ATP9B: variants seen among roughly 807,000 people sequenced by gnomAD.
ATP9B encodes the protein ATPase phospholipid transporting 9B.
A neutral mutation model predicts 146.1 loss-of-function variants in ATP9B; 110 were observed. That is an observed-to-expected ratio of 0.75 (90% CI 0.65 to 0.88). ATP9B has a LOEUF of 0.88. Ranked by LOEUF, ATP9B falls within the 40% of genes least tolerant of loss-of-function variation. The pLI, the probability that ATP9B is intolerant of heterozygous loss-of-function variation, is 0.00. For missense variants in ATP9B, 1,499 were observed against 1,496.4 expected (o/e 1.00, Z -0.03); for synonymous variants, 604 against 569.7 (o/e 1.06, Z -0.86).
intron 11 of ATP9B, among the ~76,000 whole-genome samples, chr18:79,230,796 G>A (rs1045300487): frequency 1.3e-5 from 2 of 152,074 alleles, no homozygotes; most frequent in Non-Finnish European, 1.5e-5. Context: ...CAAATTGCAC[G>A]GTACTGGTAT....
At chr18:79,162,197 T>C (rs1459753630) in intron 7 of ATP9B, among the ~76,000 whole-genome samples, 1 of 152,210 alleles carries the variant, frequency 6.6e-6, no homozygotes, top group East Asian at 1.9e-4. Flanking sequence ...ATGCAGCATA[T>C]CCCAGCTTGA....
At position 79,069,540 on chromosome 18, in the gene ATP9B, C is replaced by T. The variant is rs903480049; in HGVS notation, c.119+11C>T. On this transcript the variant is annotated intron_variant, in intron 1 of 29. Coordinates refer to ENST00000426216, the MANE Select transcript of ATP9B (RefSeq NM_198531.5). ...CGACCGGCACAGCAGGTAACCGAGG[C>T]GGCACTGGCCCCGTTCCCCGCCGAC... The T allele has an allele frequency of 4.5e-6, 6 of 1,328,740 alleles. No homozygotes were observed. Among genetic ancestry groups the T allele is most frequent in the Admixed American group, 8.0e-5 (2 of 24,998 alleles). 82.3% of individuals were successfully genotyped at this position (1,328,740 alleles called of 1,614,324 possible).
chr18:79,153,860 C>T (rs1179798527), intron 6 of ATP9B, among the ~76,000 whole-genome samples: 1 of 151,624 alleles, frequency 6.6e-6, no homozygotes, highest in Non-Finnish European at 1.5e-5. Context: ...GTTGCCTCGT[C>T]TGGTCTCAAA....
At chr18:79,281,647 C>A (rs2096377913) in intron 13 of ATP9B, among the ~76,000 whole-genome samples, 2 of 152,068 alleles carry the variant, frequency 1.3e-5, no homozygotes, top group Admixed American at 1.3e-4. Context: ...TAGAAAAATT[C>A]TCAGAAAAAA....
rs968597205 is a variant in ATP9B at position 79,330,168 on chromosome 18, C to G, written c.2028+64C>G. On this transcript the variant is annotated intron_variant, in intron 17 of 29. Transcript: ENST00000426216. ...TGGAAGAGGAGGTATGTGAGTGACT[C>G]TCAGCCTGGTTCACAGTGTTTCTAT... 8 of 1,435,806 alleles carry G rather than the reference C, an allele frequency of 5.6e-6. No individual in the cohort carries two copies. The African/African-American group carries it at 9.8e-5, about 18-fold the overall frequency. The allele number at this position is 1,435,806 out of a possible 1,614,324, so 88.9% of individuals were successfully genotyped here. A position where few individuals can be genotyped will look rare whatever the true frequency, so the allele number is the denominator to read the frequency against.
chr18:79,375,646 G>A, intron 29 of ATP9B: 1 of 985,446 alleles, frequency 1.0e-6, no homozygotes, highest in Non-Finnish European at 1.2e-6. Context: ...TGAGTGAGGG[G>A]AAGGGGCCGG....
At chr18:79,144,007 A>C (rs1209028864) in intron 6 of ATP9B, 147 bp downstream of exon 6, 1 of 489,236 alleles carries the variant, frequency 2.0e-6, no homozygotes, top group South Asian at 5.3e-5. Context: ...TATGTGAAGA[A>C]AAATCTAGAT....
chr18:79,255,204 A>G (rs1171554515), intron 12 of ATP9B: 1 of 152,196 alleles, frequency 6.6e-6, no homozygotes, highest in Non-Finnish European at 1.5e-5. Context: ...CTCTGGAGAC[A>G]CAATCTTTGT....
chr18:79,156,540 A>T (rs1165260780), intron 7 of ATP9B, among the ~76,000 whole-genome samples: 2 of 152,182 alleles, frequency 1.3e-5, no homozygotes, highest in Non-Finnish European at 2.9e-5. Context: ...TCCATTATCA[A>T]ATGGACTCTA....
chr18:79,124,225 T>C (rs1222193480), intron 4 of ATP9B, among the ~76,000 whole-genome samples: 2 of 152,218 alleles, frequency 1.3e-5, no homozygotes, highest in Non-Finnish European at 2.9e-5. Context: ...TGGTGCTTCA[T>C]TTTGGGATGA....
In ATP9B at chr18:79,265,751, T is replaced by C. The variant is rs546179725; in HGVS notation, c.1269-11303T>C. Among the ~76,000 whole-genome samples the C allele has an allele frequency of 1.3e-4, 20 of 152,328 alleles. No individual in the cohort carries two copies. The South Asian group carries it at 1.4e-3, about 11-fold the overall frequency. ...TTTTGTTGCAGTTGCTTTTGGTATC[T>C]TCATCATAAAATCTTCACCCATGCC... On this transcript the variant is annotated intron_variant, in intron 12 of 29. Coordinates refer to ENST00000426216, the MANE Select transcript of ATP9B (RefSeq NM_198531.5).
chr18:79,304,376 T>G (rs1428439916), intron 14 of ATP9B, among the ~76,000 whole-genome samples: 1 of 152,198 alleles, frequency 6.6e-6, no homozygotes, highest in Non-Finnish European at 1.5e-5. Context: ...TTCAAAATGC[T>G]TAGGACCAGA....
rs149798512 is a variant in ATP9B at position 79,337,334 on chromosome 18, C to T, written c.2168C>T (p.Ala723Val). The change falls in exon 19 of 30, where the codon GCG becomes GTG. Residue 723 changes from alanine (A) to valine (V), a missense_variant. Ala to Val is a moderately conservative substitution (Grantham distance 64, BLOSUM62 0). Coordinates refer to ENST00000426216, the MANE Select transcript of ATP9B (RefSeq NM_198531.5). ...SMHDRSLKVA[A>V]VVESLEREME... is the part of the protein sequence containing the mutation. Reference sequence around the variant, plus strand: ...CACGACAGGTCCCTCAAGGTGGCCGCGGTAGTCGAGAGCCTGGAGAGGGAG... The same window carrying T: ...CACGACAGGTCCCTCAAGGTGGCCGTGGTAGTCGAGAGCCTGGAGAGGGAG... 1.6e-5 allele frequency: 26 copies of T among 1,614,004 alleles called. No homozygotes were observed. In the Middle Eastern group the frequency reaches 4.9e-4, roughly 31 times the overall value.
chr18:79,167,832 G>T lies in ATP9B; in HGVS notation c.779-8981G>T, dbSNP rs1035144358. 4.3e-4 allele frequency among the ~76,000 whole-genome samples: 66 copies of T among 152,170 alleles called. 1 individual carries two copies. Among genetic ancestry groups the T allele is most frequent in the Non-Finnish European group, 8.4e-4 (57 of 68,022 alleles). On this transcript the variant is annotated intron_variant, in intron 7 of 29. Coordinates refer to ENST00000426216, the MANE Select transcript of ATP9B (RefSeq NM_198531.5). ...GGCTTGAAGGTAGGGTTTCACAGGG[G>T]ACCTGCCAATTTTTGCCCAGGAACT...
chr18:79,270,299 G>C (rs2096242394), intron 12 of ATP9B, among the ~76,000 whole-genome samples: 1 of 150,980 alleles, frequency 6.6e-6, no homozygotes, highest in Middle Eastern at 3.2e-3. Flanking sequence ...CTATGTGGCA[G>C]CTCTGTGTGT....
chr18:79,338,966 T>C (rs1434437885), intron 19 of ATP9B, among the ~76,000 whole-genome samples: 1 of 152,244 alleles, frequency 6.6e-6, no homozygotes, highest in East Asian at 1.9e-4. Context: ...GAAGATGCTG[T>C]GCCATGGACA....
rs778501286 is a variant in ATP9B, at chr18:79,176,827, C to A, written c.793C>A (p.Arg265=). 2 of 1,613,804 alleles carry A rather than the reference C, an allele frequency of 1.2e-6. No homozygotes were observed. The highest frequency in any genetic ancestry group is 1.7e-6 in the Non-Finnish European group (2 of 1,179,948). ...TSEKAGSCFI[R]TDQLDGETDW... is the part of the protein sequence containing the mutation. ...CTACTTCCAAGGTTCGTGTTTTATT[C>A]GAACTGATCAACTAGATGGTGAAAC... The change falls in exon 8 of 30, where the codon CGA becomes AGA. Residue 265 remains arginine, a synonymous_variant. Transcript: ENST00000426216.
At chr18:79,238,993 A>G (rs939493171) in intron 11 of ATP9B, among the ~76,000 whole-genome samples, 3 of 152,240 alleles carry the variant, frequency 2.0e-5, no homozygotes, top group East Asian at 3.8e-4. Context: ...GACGGTCACA[A>G]CTGGCACTGA....
At chr18:79,137,707 T>C (rs1388510390) in intron 5 of ATP9B, among the ~76,000 whole-genome samples, 1 of 152,186 alleles carries the variant, frequency 6.6e-6, no homozygotes, top group Non-Finnish European at 1.5e-5. Context: ...CTCTGCATGC[T>C]CTTAGATGCC....
Sources: allele counts gnomAD v4.1 joint callset (sites outside exome capture counted in the v4.1 genomes callset), GRCh38; gene constraint gnomAD v4.1.1; transcripts MANE v1.5; gene names NCBI Gene and HGNC (gene_info 2026-07-23, HGNC 2026-07-21).